The following NREP variants were observed in gnomAD, a reference collection of about 807,000 sequenced individuals.
The protein encoded by NREP is neuronal regeneration-related protein.
A neutral mutation model predicts 8.6 loss-of-function variants in NREP; 5 were observed. The ratio of observed to expected loss-of-function variants is 0.58; its 90% CI spans 0.30 to 1.22. The LOEUF (loss-of-function observed/expected upper bound fraction) is 1.22. Among genes scored for constraint, NREP ranks in the 50% most tolerant of loss-of-function variants. The pLI, the probability that NREP is intolerant of heterozygous loss-of-function variation, is 0.07. For missense variants in NREP, 86 were observed against 82.5 expected (o/e 1.04, Z -0.17); for synonymous variants, 27 against 28.0 (o/e 0.96, Z 0.11).
At chr5:111,919,167 C>T (rs12187912) in intron 2 of NREP, among the ~76,000 whole-genome samples, 60,765 of 151,946 alleles carry the variant, frequency 0.4, 14,564 homozygotes, top group Non-Finnish European at 0.55. Flanking sequence ...AAATCAAAAC[C>T]ACAGTGAGAT....
intron 2 of NREP, among the ~76,000 whole-genome samples, chr5:111,765,850 T>G (rs1387610649): frequency 6.6e-6 from 1 of 152,200 alleles, no homozygotes; most frequent in South Asian, 2.1e-4. Context: ...TTCTAGCATT[T>G]TCCAGGTATG....
chr5:111,862,462 C>T (rs930861778), intron 2 of NREP, among the ~76,000 whole-genome samples: 4 of 151,988 alleles, frequency 2.6e-5, no homozygotes, highest in African/African-American at 9.7e-5. Context: ...CCTACTGAGA[C>T]CTACAGGACA....
At chr5:111,734,809 C>A in intron 3 of NREP, 1 of 662,308 alleles carries the variant, frequency 1.5e-6, no homozygotes, top group Non-Finnish European at 2.7e-6. Context: ...CAAGTATTCA[C>A]CCTAAGAGGC....
chr5:111,788,473 G>A (rs1207401840), intron 2 of NREP, among the ~76,000 whole-genome samples: 1 of 152,134 alleles, frequency 6.6e-6, no homozygotes, highest in East Asian at 1.9e-4. Flanking sequence ...AACACACATG[G>A]AACAATGAGA....
intron 2 of NREP, among the ~76,000 whole-genome samples, chr5:111,973,491 T>C (rs890238361): frequency 1.3e-4 from 20 of 152,140 alleles, no homozygotes; most frequent in African/African-American, 4.8e-4. Flanking sequence ...CAGAACAGAG[T>C]TTATTTTCCA....
chr5:111,768,479 A>C (rs1561658858), intron 2 of NREP, among the ~76,000 whole-genome samples: 1 of 152,230 alleles, frequency 6.6e-6, no homozygotes, highest in Non-Finnish European at 1.5e-5. Context: ...TAATGAGCAC[A>C]GTACCTTAAA....
intron 2 of NREP, among the ~76,000 whole-genome samples, chr5:111,743,680 T>G (rs1380575180): frequency 6.6e-6 from 1 of 152,194 alleles, no homozygotes; most frequent in East Asian, 1.9e-4. Flanking sequence ...GCTGTTGATA[T>G]GCTTTCTAAT....
At chr5:111,749,805 T>C (rs188901146) in intron 2 of NREP, among the ~76,000 whole-genome samples, 182 of 152,212 alleles carry the variant, frequency 1.2e-3, no homozygotes, top group Middle Eastern at 3.4e-3. Context: ...GTGCTGCCAG[T>C]TTCTCAAGAA....
At chr5:111,850,617 G>C (rs2112466958) in intron 2 of NREP, among the ~76,000 whole-genome samples, 1 of 151,740 alleles carries the variant, frequency 6.6e-6, no homozygotes, top group East Asian at 1.9e-4. Flanking sequence ...TTGTTGCTTT[G>C]ATTTGTTTCA....
chr5:111,943,126 C>T (rs1755878683), intron 2 of NREP, among the ~76,000 whole-genome samples: 1 of 151,968 alleles, frequency 6.6e-6, no homozygotes, highest in Non-Finnish European at 1.5e-5. Context: ...TGACAACTGG[C>T]TCCTCTTTTG....
At chr5:111,976,338 T>C (rs1369446978) in intron 1 of NREP, among the ~76,000 whole-genome samples, 1 of 152,176 alleles carries the variant, frequency 6.6e-6, no homozygotes, top group Non-Finnish European at 1.5e-5. Flanking sequence ...CTTAAAACAA[T>C]TTTGATGTTT....
intron 2 of NREP, among the ~76,000 whole-genome samples, chr5:111,823,396 C>A (rs1039198518): frequency 7.2e-5 from 11 of 152,134 alleles, no homozygotes; most frequent in African/African-American, 2.7e-4. Context: ...CCTATCTAAT[C>A]CCCAGTCTAG....
At chr5:111,732,972 A>G (rs1267519923) in intron 3 of NREP, 1 of 152,208 alleles carries the variant, frequency 6.6e-6, no homozygotes, top group Non-Finnish European at 1.5e-5. Flanking sequence ...CTCTATTTAA[A>G]TCTCAGTCTC....
intron 3 of NREP, among the ~76,000 whole-genome samples, chr5:111,731,568 C>T (rs72798058): frequency 0.043 from 6,563 of 152,062 alleles, 154 homozygotes; most frequent in African/African-American, 0.057. Flanking sequence ...TATGTGCAAT[C>T]GGCGCATGAC....
Position 111,774,281 on chromosome 5 carries a change from A to G in NREP, c.136-38774T>C, listed in dbSNP as rs373575403. Among the ~76,000 whole-genome samples the G allele has an allele frequency of 2.6e-4, 39 of 151,702 alleles. No individual in the cohort carries two copies. In the East Asian group the frequency reaches 5.1e-3, roughly 20 times the overall value. ...GGAGGGAGAGAAGGAGGGAGAGAAG[A>G]AGGGAGAGAAGAAGGGAAAAAGACA... On this transcript the variant is annotated intron_variant, in intron 2 of 3. Transcript: ENST00000395634.
At position 111,809,987 on chromosome 5, in the gene NREP, C is replaced by T. The variant is rs145993355; in HGVS notation, c.136-74480G>A. Among the ~76,000 whole-genome samples, 1,107 of 151,274 alleles carry T rather than the reference C, an allele frequency of 7.3e-3. 11 individuals carry two copies. The highest frequency in any genetic ancestry group is 8.9e-3 in the Non-Finnish European group (605 of 67,886). ...AGATTCTGTGAAGTAGCCTGGAGTGCAAATTCTGCCAAGTATAGACAGCAG... is the reference window on the plus strand; with the variant it reads ...AGATTCTGTGAAGTAGCCTGGAGTGTAAATTCTGCCAAGTATAGACAGCAG... On this transcript the variant is annotated intron_variant, in intron 2 of 3. Coordinates refer to the NREP transcript ENST00000395634.
At chr5:111,919,869 GAGAA>G (rs60026643) in intron 2 of NREP, among the ~76,000 whole-genome samples, 25,920 of 124,658 alleles carry the variant, frequency 0.21, 2,777 homozygotes, top group East Asian at 0.34. Context: ...CTTGAAGAGA[GAGAA>G]AGAAAGAAAG....
chr5:111,729,336 A>G lies in NREP; in HGVS notation c.*1585T>C, dbSNP rs921918250. On this transcript the variant is annotated 3_prime_UTR_variant, in exon 4 of 4. Transcript: ENST00000257435. ...CAGCTTGCGTATTTATTGAACAAAT[A>G]CTACTAAAATAGCTAAAATACATTG... 1 of 152,232 alleles carries G rather than the reference A, an allele frequency of 6.6e-6. No individual in the cohort carries two copies. The highest frequency in any genetic ancestry group is 6.5e-5 in the Admixed American group (1 of 15,272). The allele number at this position is 152,232 out of a possible 1,614,324, so 9.4% of individuals were successfully genotyped here. A position where few individuals can be genotyped will look rare whatever the true frequency, so the allele number is the denominator to read the frequency against.
chr5:111,904,516 G>C (rs990173986), intron 2 of NREP, among the ~76,000 whole-genome samples: 1 of 152,078 alleles, frequency 6.6e-6, no homozygotes, highest in Admixed American at 6.6e-5. Context: ...TAGTATGTAG[G>C]CTTTTCAGGC....
Sources: allele counts gnomAD v4.1 joint callset (sites outside exome capture counted in the v4.1 genomes callset), GRCh38; gene constraint gnomAD v4.1.1; transcripts MANE v1.5; gene names NCBI Gene and HGNC (gene_info 2026-07-23, HGNC 2026-07-21).